The following BMPR2 variants were observed in gnomAD, a reference collection of about 807,000 sequenced individuals.
The protein encoded by BMPR2 is bone morphogenetic protein receptor type 2, also known as bone morphogenetic protein receptor type-2.
BMPR2 carries 29 observed loss-of-function variants against 100.8 expected under a neutral mutation model. The observed-to-expected ratio is 0.29, with a 90% CI of 0.21 to 0.39. BMPR2 has a LOEUF of 0.39. BMPR2 is among the 10% of genes least tolerant of loss of function. The probability of loss-of-function intolerance (pLI) is 1.00; values close to 1 mark genes in which losing one functional copy is unlikely to be tolerated. For missense variants in BMPR2, 1,011 were observed against 1,274.5 expected (o/e 0.79, Z 3.15); for synonymous variants, 382 against 442.3 (o/e 0.86, Z 1.71).
chr2:202,477,990 C>T (rs1692584707), intron 3 of BMPR2, among the ~76,000 whole-genome samples: 1 of 152,098 alleles, frequency 6.6e-6, no homozygotes, highest in Non-Finnish European at 1.5e-5. Flanking sequence ...CCAATATTCA[C>T]AGTGCTTTCA....
In BMPR2 at chr2:202,473,098, A is replaced by G. The variant is rs543368769; in HGVS notation, c.418+5409A>G. Among the ~76,000 whole-genome samples the G allele has an allele frequency of 1.9e-4, 29 of 152,300 alleles. No homozygotes were observed. In the South Asian group the frequency reaches 5.6e-3, roughly 29 times the overall value. On this transcript the variant is annotated intron_variant, in intron 3 of 12. Transcript: ENST00000374580. ...AAAATCAGAAACAGAACTTTTGCTC[A>G]TGGCCATATAACAATAAATAGAAAG...
chr2:202,376,726 G>A lies in BMPR2; in HGVS notation c.-749G>A, dbSNP rs1049798576. Among the ~76,000 whole-genome samples, 1 of 150,472 alleles carries A rather than the reference G, an allele frequency of 6.6e-6. No homozygotes were observed. On this transcript the variant is annotated 5_prime_UTR_variant, in exon 1 of 13. Transcript: ENST00000374580. ...AGGGGCAGCCTCTCACACCCACTCC[G>A]CCTGCCGTCTCGGGGAGCCCGGACC...
chr2:202,526,839 C>T (rs2106014410), intron 7 of BMPR2, among the ~76,000 whole-genome samples: 1 of 152,264 alleles, frequency 6.6e-6, no homozygotes, highest in South Asian at 2.1e-4. Context: ...GCTGCTATTG[C>T]ATATAAATAT....
At chr2:202,460,167 T>G (rs1396264874) in intron 1 of BMPR2, among the ~76,000 whole-genome samples, 1 of 152,216 alleles carries the variant, frequency 6.6e-6, no homozygotes. Context: ...GGTGGGAGTC[T>G]AAATTAATTC....
intron 1 of BMPR2, among the ~76,000 whole-genome samples, chr2:202,407,109 A>ATT (rs34304623): frequency 1.4e-5 from 2 of 141,974 alleles, no homozygotes; most frequent in African/African-American, 2.6e-5. Context: ...TAATTTTTGT[A>ATT]TTTTTTTTTT....
intron 1 of BMPR2, among the ~76,000 whole-genome samples, chr2:202,430,548 T>G (rs1691482039): frequency 6.6e-6 from 1 of 152,246 alleles, no homozygotes. Context: ...GTAGGTCTTC[T>G]GGACTGCTAA....
intron 9 of BMPR2, among the ~76,000 whole-genome samples, chr2:202,541,479 A>G (rs1012448412): frequency 6.6e-6 from 1 of 152,220 alleles, no homozygotes; most frequent in African/African-American, 2.4e-5. Context: ...AATGACCATT[A>G]TCATAAATAT....
intron 3 of BMPR2, among the ~76,000 whole-genome samples, chr2:202,474,091 C>CTGACA (rs1170917739): frequency 6.8e-6 from 1 of 146,862 alleles, no homozygotes; most frequent in Non-Finnish European, 1.5e-5. Context: ...GGCGACAGAG[C>CTGACA]GAGACTCTGT....
chr2:202,536,992 G>A lies in BMPR2; in HGVS notation c.1276+4260G>A, dbSNP rs140952166. 1.1e-4 allele frequency among the ~76,000 whole-genome samples: 17 copies of A among 152,198 alleles called. No individual in the cohort carries two copies. The East Asian group carries it at 2.9e-3, about 26-fold the overall frequency. ...AGCTCACTGCAGCACTGAACTCTTG[G>A]GCTCAAGCAGTCCTCCTGCTCAGCC... On this transcript the variant is annotated intron_variant, in intron 9 of 12. Transcript: ENST00000374580.
intron 9 of BMPR2, among the ~76,000 whole-genome samples, chr2:202,539,037 A>G (rs539944134): frequency 6.6e-6 from 1 of 152,302 alleles, no homozygotes; most frequent in Non-Finnish European, 1.5e-5. Flanking sequence ...AGAAAGAAAA[A>G]TAGGTGAATA....
At position 202,563,938 on chromosome 2, in the gene BMPR2, A is replaced by G. The variant is rs1411742927; in HGVS notation, c.*3992A>G. The G allele has an allele frequency of 6.6e-6, 1 of 152,220 alleles. No individual in the cohort carries two copies. The highest frequency in any genetic ancestry group is 1.5e-5 in the Non-Finnish European group (1 of 68,032). The allele number at this position is 152,220 out of a possible 1,614,324, so 9.4% of individuals were successfully genotyped here. On this transcript the variant is annotated 3_prime_UTR_variant, in exon 13 of 13. Transcript: ENST00000374580. ...TAGTATAGCTTCTTTACATGTATCC[A>G]CTTGTTCCAGAAAATGTGCATTGGT...
chr2:202,376,536 GGCGGCGGCGGCAGCAGCA>G lies in BMPR2; in HGVS notation c.-933_-916del. 7.0e-6 allele frequency among the ~76,000 whole-genome samples: 1 copy of G among 142,562 alleles called. No individual in the cohort carries two copies. Among genetic ancestry groups the G allele is most frequent in the African/African-American group, 2.6e-5 (1 of 38,722 alleles). 93.5% of individuals were successfully genotyped at this position (142,562 alleles called of 152,430 possible). ...AGGCGGCGGCGGCGGCGGCGGCGGC[GGCGGCGGCGGCAGCAGCA>G]GCGGCTTCCTCGGGGGGTTGTGATT... On this transcript the variant is annotated 5_prime_UTR_variant, in exon 1 of 13. Transcript: ENST00000374580.
At chr2:202,535,136 A>ACC (rs545117492) in intron 9 of BMPR2, among the ~76,000 whole-genome samples, 1 of 90,836 alleles carries the variant, frequency 1.1e-5, no homozygotes, top group Non-Finnish European at 2.1e-5. Flanking sequence ...CGGGGGGCTG[A>ACC]CCCCCCCACC....
chr2:202,485,683 A>G (rs929215096), intron 3 of BMPR2, among the ~76,000 whole-genome samples: 1 of 150,726 alleles, frequency 6.6e-6, no homozygotes, highest in Non-Finnish European at 1.5e-5. Flanking sequence ...AGTAGCTGGG[A>G]CTACAGTTGC....
chr2:202,544,015 T>C (rs570303475), intron 10 of BMPR2, among the ~76,000 whole-genome samples: 1 of 151,974 alleles, frequency 6.6e-6, no homozygotes, highest in Non-Finnish European at 1.5e-5. Flanking sequence ...AAAAAAAATG[T>C]CATCAAGTCT....
intron 3 of BMPR2, among the ~76,000 whole-genome samples, chr2:202,496,916 G>A (rs1693043050): frequency 6.6e-6 from 1 of 152,250 alleles, no homozygotes; most frequent in African/African-American, 2.4e-5. Context: ...GGAGGGAGAG[G>A]CGCGAGCAGG....
chr2:202,452,295 A>G (rs1041951578), intron 1 of BMPR2, among the ~76,000 whole-genome samples: 6 of 152,162 alleles, frequency 3.9e-5, no homozygotes, highest in Admixed American at 3.3e-4. Flanking sequence ...AATGTTTTTG[A>G]TATTTATCCA....
chr2:202,383,622 C>T (rs537914859), intron 1 of BMPR2, among the ~76,000 whole-genome samples: 9 of 150,308 alleles, frequency 6.0e-5, no homozygotes, highest in East Asian at 3.9e-4. Flanking sequence ...TGTGGTGAGC[C>T]GAGGTTGTGC....
rs886055462 is a variant in BMPR2 at position 202,376,553 on chromosome 2, C to T, written c.-922C>T. ...GCGGCGGCGGCGGCGGCGGCAGCAG[C>T]AGCGGCTTCCTCGGGGGGTTGTGAT... On this transcript the variant is annotated 5_prime_UTR_variant, in exon 1 of 13. Transcript: ENST00000374580. 7.1e-6 allele frequency among the ~76,000 whole-genome samples: 1 copy of T among 141,168 alleles called. No homozygotes were observed. Among genetic ancestry groups the T allele is most frequent in the Non-Finnish European group, 1.5e-5 (1 of 65,336 alleles). 92.6% of individuals were successfully genotyped at this position (141,168 alleles called of 152,430 possible).
Sources: allele counts gnomAD v4.1 joint callset (sites outside exome capture counted in the v4.1 genomes callset), GRCh38; gene constraint gnomAD v4.1.1; transcripts MANE v1.5; gene names NCBI Gene and HGNC (gene_info 2026-07-23, HGNC 2026-07-21).